ZNF266: variants seen among roughly 807,000 people sequenced by gnomAD.
ZNF266 encodes zinc finger protein 266, also known as zinc finger protein 1.
ZNF266 carries 16 observed loss-of-function variants against 16.4 expected under a neutral mutation model. The ratio of observed to expected loss-of-function variants is 0.98; its 90% CI spans 0.66 to 1.48. The LOEUF (loss-of-function observed/expected upper bound fraction) is 1.48, where lower values mean the gene tolerates loss of function less well. Ranked by LOEUF, ZNF266 falls within the 40% of genes most tolerant of loss-of-function variation. ZNF266 has a pLI of 0.00. For missense variants in ZNF266, 738 were observed against 689.1 expected (o/e 1.07, Z -0.79); for synonymous variants, 262 against 237.9 (o/e 1.10, Z -0.93).
At chr19:9,426,512 C>G (rs886843737) in intron 5 of ZNF266, among the ~76,000 whole-genome samples, 2 of 151,190 alleles carry the variant, frequency 1.3e-5, no homozygotes, top group African/African-American at 4.9e-5. Flanking sequence ...GAAAAAAAGC[C>G]TCGAGATTTA....
chr19:9,427,242 T>C (rs1299086604), intron 5 of ZNF266, among the ~76,000 whole-genome samples: 1 of 152,156 alleles, frequency 6.6e-6, no homozygotes, highest in Non-Finnish European at 1.5e-5. Flanking sequence ...CCACACCCAA[T>C]ATTATTAAAA....
chr19:9,414,363 C>A lies in ZNF266; in HGVS notation c.763G>T (p.Glu255Ter). The change falls in exon 11 of 11, where the codon GAA (glutamate) becomes TAA (stop). Residue 255 changes from glutamate to a stop codon, truncating the protein, a stop_gained. Coordinates refer to ENST00000592904, the MANE Select transcript of ZNF266 (RefSeq NM_001370374.1). LOFTEE classifies it low-confidence loss of function (END_TRUNC). ...GAGTGAATAAAGCCTCTCCCACATT[C>A]CTTCCATTCATGGAGACTTTCTCCA... is the stretch of plus-strand genomic sequence containing the variant. ...HNGESLHEWK[E>*]CGRGFIHSTD... is the part of the protein sequence containing the mutation. The A allele has an allele frequency of 6.2e-7, 1 of 1,614,158 alleles. No homozygotes were observed. The highest frequency in any genetic ancestry group is 8.5e-7 in the Non-Finnish European group (1 of 1,180,016).
At chr19:9,422,595 C>T (rs1468347370) in intron 5 of ZNF266, among the ~76,000 whole-genome samples, 2 of 152,182 alleles carry the variant, frequency 1.3e-5, no homozygotes, top group Admixed American at 6.5e-5. Flanking sequence ...CTTACTGGCA[C>T]CCCAACTTCC....
At chr19:9,418,380 T>A in intron 8 of ZNF266, 125 bp downstream of exon 8, 3 of 1,049,970 alleles carry the variant, frequency 2.9e-6, no homozygotes, top group Non-Finnish European at 4.4e-6. Flanking sequence ...TGAAACCCTA[T>A]TAGGGCAGGG....
In ZNF266 at chr19:9,413,719, G is replaced by A. The variant is rs1185480697; in HGVS notation, c.1407C>T (p.His469=). ...SSRLSEHTRT[H]TGEKPFECVK... is the part of the protein sequence containing the mutation. ...CACATTCAAAAGGCTTCTCTCCAGT[G>A]TGAGTTCTTGTATGTTCACTAAGGC... is the stretch of plus-strand genomic sequence containing the variant. Residue 469 remains histidine, a synonymous_variant, in exon 11 of 11, where the codon CAC becomes CAT. Transcript: ENST00000592904. 2 of 1,614,208 alleles carry A rather than the reference G, an allele frequency of 1.2e-6. No homozygotes were observed. Among genetic ancestry groups the A allele is most frequent in the Non-Finnish European group, 1.7e-6 (2 of 1,180,034 alleles).
rs538648265 is a variant in ZNF266 at position 9,432,596 on chromosome 19, G to A, written c.-130+1072C>T. Among the ~76,000 whole-genome samples, 9 of 152,042 alleles carry A rather than the reference G, an allele frequency of 5.9e-5. No individual in the cohort carries two copies. The East Asian group carries it at 7.7e-4, about 13-fold the overall frequency. On this transcript the variant is annotated intron_variant, in intron 5 of 10. Coordinates refer to ENST00000592904, the MANE Select transcript of ZNF266 (RefSeq NM_001370374.1). ...TTTTCACATGCTAATTAATATAAGC[G>A]AGTTAAGCTCCTACAGCATATTTCT...
intron 5 of ZNF266, among the ~76,000 whole-genome samples, chr19:9,422,585 C>T (rs1413834497): frequency 6.6e-6 from 1 of 152,186 alleles, no homozygotes; most frequent in African/African-American, 2.4e-5. Flanking sequence ...GTCTTGTATC[C>T]TTACTGGCAC....
chr19:9,418,381 T>C, intron 8 of ZNF266, 124 bp downstream of exon 8: 1 of 1,059,716 alleles, frequency 9.4e-7, no homozygotes, highest in Non-Finnish European at 1.4e-6. Flanking sequence ...GAAACCCTAT[T>C]AGGGCAGGGA....
intron 10 of ZNF266, among the ~76,000 whole-genome samples, chr19:9,415,055 G>A (rs1197911032): frequency 6.6e-6 from 1 of 152,304 alleles, no homozygotes; most frequent in Non-Finnish European, 1.5e-5. Flanking sequence ...AGTGCTTTGG[G>A]AGGCCAACGT....
chr19:9,426,550 AAG>A (rs2070781656), intron 5 of ZNF266, among the ~76,000 whole-genome samples: 1 of 152,188 alleles, frequency 6.6e-6, no homozygotes, highest in Non-Finnish European at 1.5e-5. Context: ...GAAAAAAAAA[AAG>A]AGGAACTTTT....
intron 5 of ZNF266, among the ~76,000 whole-genome samples, chr19:9,427,645 C>T (rs2070954859): frequency 6.6e-6 from 1 of 152,126 alleles, no homozygotes; most frequent in Non-Finnish European, 1.5e-5. Context: ...ATGCCCTGTT[C>T]AGTGCCTATT....
At chr19:9,422,639 C>T (rs1434420353) in intron 5 of ZNF266, among the ~76,000 whole-genome samples, 1 of 152,204 alleles carries the variant, frequency 6.6e-6, no homozygotes, top group African/African-American at 2.4e-5. Flanking sequence ...GGGTTGCCTG[C>T]ATTCCAGAGG....
At chr19:9,435,034 CAA>C (rs1568430293) in intron 2 of ZNF266, 72 bp downstream of exon 2, 1 of 152,044 alleles carries the variant, frequency 6.6e-6, no homozygotes, top group Non-Finnish European at 1.5e-5. Context: ...ACAGGATGCG[CAA>C]AGAGAAAAAC....
At position 9,414,566 on chromosome 19, in the gene ZNF266, T is replaced by C. The variant is rs770902713; in HGVS notation, c.560A>G (p.Lys187Arg). 6.2e-7 allele frequency: 1 copy of C among 1,613,972 alleles called. No homozygotes were observed. Among genetic ancestry groups the C allele is most frequent in the Admixed American group, 1.7e-5 (1 of 60,026 alleles). Reference sequence around the variant, plus strand: ...ACGTTGCTCTCCAGTAGAGGTTTTCTTGTGCAGAGTAAGGAAGTCTACTCC... The same window carrying C: ...ACGTTGCTCTCCAGTAGAGGTTTTCCTGTGCAGAGTAAGGAAGTCTACTCC... ...LYGVDFLTLH[K>R]KTSTGEQRSV... Residue 187 changes from lysine (K) to arginine (R), a missense_variant, in exon 11 of 11, where the codon AAG (lysine) becomes AGG (arginine). By Grantham distance (26) the Lys-to-Arg change is conservative. Transcript: ENST00000592904.
chr19:9,423,752 T>C (rs1425195128), intron 5 of ZNF266, among the ~76,000 whole-genome samples: 1 of 152,056 alleles, frequency 6.6e-6, no homozygotes, highest in Non-Finnish European at 1.5e-5. Flanking sequence ...TCCCAGCACT[T>C]TGGGAGGCCG....
rs563990468 is a variant in ZNF266 at position 9,422,475 on chromosome 19, A to T, written c.-129-2257T>A. On this transcript the variant is annotated intron_variant, in intron 5 of 10. Transcript: ENST00000592904. ...CTCAAAGAATGCAAGGGTGACAGGAATACTGTCTCTTTCTATGCACTTAGC... is the reference window on the plus strand; with the variant it reads ...CTCAAAGAATGCAAGGGTGACAGGATTACTGTCTCTTTCTATGCACTTAGC... 3.9e-5 allele frequency among the ~76,000 whole-genome samples: 6 copies of T among 152,320 alleles called. No homozygotes were observed. In the South Asian group the frequency reaches 1.2e-3, roughly 32 times the overall value.
intron 5 of ZNF266, among the ~76,000 whole-genome samples, chr19:9,422,255 T>C (rs1244258830): frequency 2.6e-5 from 4 of 152,176 alleles, no homozygotes; most frequent in Admixed American, 2.6e-4. Context: ...GGAGTCTCTG[T>C]ATCTCATGGG....
chr19:9,414,567 T>C lies in ZNF266; in HGVS notation c.559A>G (p.Lys187Glu), dbSNP rs2068700079. 1 of 1,613,856 alleles carries C rather than the reference T, an allele frequency of 6.2e-7. No individual in the cohort carries two copies. ...LYGVDFLTLH[K>E]KTSTGEQRSV... ...CGTTGCTCTCCAGTAGAGGTTTTCT[T>C]GTGCAGAGTAAGGAAGTCTACTCCA... Residue 187 changes from lysine to glutamate, a missense_variant, in exon 11 of 11, where the codon AAG becomes GAG. By Grantham distance (56) the Lys-to-Glu change is moderately conservative (BLOSUM62 1). Transcript: ENST00000592904.
chr19:9,415,610 C>T, intron 10 of ZNF266, 44 bp downstream of exon 10: 1 of 1,476,934 alleles, frequency 6.8e-7, no homozygotes, highest in Non-Finnish European at 9.4e-7. Context: ...AATCCCCAAT[C>T]ATCTCTAAAT....
Sources: gnomAD v4.1 joint callset for allele counts (sites outside exome capture counted in the v4.1 genomes callset) on GRCh38, gnomAD v4.1.1 for gene constraint, MANE v1.5 for transcripts, NCBI Gene and HGNC (gene_info 2026-07-23, HGNC 2026-07-21) for gene names.